Variants in PRKCQ observed in about 807,000 individuals in gnomAD.
PRKCQ encodes protein kinase C theta type.
Under a neutral mutation model 91.2 loss-of-function variants are expected in PRKCQ, and 41 were observed. That is an observed-to-expected ratio of 0.45 (90% CI 0.35 to 0.58). The LOEUF is 0.58. Ranked by LOEUF, PRKCQ falls within the 20% of genes least tolerant of loss-of-function variation. PRKCQ has a pLI of 0.00. For synonymous variants in PRKCQ, 307 were observed against 316.9 expected (o/e 0.97, Z 0.33); for missense variants, 673 against 896.5 (o/e 0.75, Z 3.18).
chr10:6,520,367 C>T (rs1306376351), intron 1 of PRKCQ, among the ~76,000 whole-genome samples: 1 of 152,194 alleles, frequency 6.6e-6, no homozygotes, highest in Admixed American at 6.5e-5. Flanking sequence ...TCTGCACCAC[C>T]TCTCTTGTGA....
At chr10:6,491,154 A>G (rs1757437742) in intron 8 of PRKCQ, among the ~76,000 whole-genome samples, 2 of 152,296 alleles carry the variant, frequency 1.3e-5, no homozygotes, top group African/African-American at 2.4e-5. Flanking sequence ...GTTCACAGCA[A>G]TGGTTTAGGG....
the PRKCQ span, among the ~76,000 whole-genome samples, chr10:6,394,269 TA>T: frequency 6.6e-6 from 1 of 152,200 alleles, no homozygotes; most frequent in Non-Finnish European, 1.5e-5. Flanking sequence ...TTTGTTGTCG[TA>T]AGTGTAGTGG....
intron 1 of PRKCQ, among the ~76,000 whole-genome samples, chr10:6,566,563 C>G (rs953822385): frequency 6.6e-6 from 1 of 152,086 alleles, no homozygotes. Context: ...TGAGCATGAC[C>G]CTGGCAGAGC....
In PRKCQ at chr10:6,568,857, GGAT is replaced by G. The variant is rs774485153; in HGVS notation, c.-10+11351_-10+11353del. 2.0e-5 allele frequency among the ~76,000 whole-genome samples: 3 copies of G among 152,108 alleles called. No individual in the cohort carries two copies. In the South Asian group the frequency reaches 6.3e-4, roughly 32 times the overall value. On this transcript the variant is annotated intron_variant, in intron 1 of 17. Transcript: ENST00000263125. ...TGGTCCACAAAGCAGGATGCCAAGG[GGAT>G]GATAAGGGGAAAAATCACACCATAG...
At chr10:6,499,065 G>C (rs1321340804) in intron 4 of PRKCQ, among the ~76,000 whole-genome samples, 1 of 152,152 alleles carries the variant, frequency 6.6e-6, no homozygotes, top group Non-Finnish European at 1.5e-5. Context: ...GAGTAGACTA[G>C]GGGGAGCTGA....
chr10:6,401,010 T>G, the PRKCQ span, among the ~76,000 whole-genome samples: 1 of 152,218 alleles, frequency 6.6e-6, no homozygotes, highest in African/African-American at 2.4e-5. Context: ...TTCTGAGCCT[T>G]GAGAGAAATG....
chr10:6,445,879 C>G (rs573422478), intron 15 of PRKCQ, among the ~76,000 whole-genome samples: 174 of 152,224 alleles, frequency 1.1e-3, no homozygotes, highest in African/African-American at 4.0e-3. Flanking sequence ...AAGGCGGCGT[C>G]AAAGCAACCA....
intron 14 of PRKCQ, 96 bp downstream of exon 14, chr10:6,462,207 C>T: frequency 8.8e-7 from 1 of 1,132,180 alleles, no homozygotes; most frequent in Non-Finnish European, 1.3e-6. Context: ...CCCAGGAAAT[C>T]ACATGGGCTG....
At chr10:6,508,851 G>A (rs897457145) in intron 3 of PRKCQ, among the ~76,000 whole-genome samples, 41 of 152,218 alleles carry the variant, frequency 2.7e-4, no homozygotes, top group African/African-American at 9.2e-4. Context: ...ACATTTTGGG[G>A]AGTGAATGGG....
intron 8 of PRKCQ, chr10:6,489,254 C>A: frequency 2.3e-6 from 1 of 426,030 alleles, no homozygotes; most frequent in Non-Finnish European, 4.9e-6. Flanking sequence ...GTGAGGTTGT[C>A]AGCTAGGATT....
intron 13 of PRKCQ, among the ~76,000 whole-genome samples, chr10:6,462,792 G>A (rs1409572276): frequency 6.6e-6 from 1 of 152,114 alleles, no homozygotes; most frequent in Admixed American, 6.6e-5. Flanking sequence ...ATCACTTGAA[G>A]TCAGGAGTTC....
chr10:6,548,627 G>C (rs1050682136), intron 1 of PRKCQ, among the ~76,000 whole-genome samples: 1 of 146,568 alleles, frequency 6.8e-6, no homozygotes, highest in Non-Finnish European at 1.5e-5. Flanking sequence ...GTAAACTATG[G>C]CAAGAACAAA....
At chr10:6,413,231 C>T in the PRKCQ span, among the ~76,000 whole-genome samples, 8 of 152,248 alleles carry the variant, frequency 5.3e-5, no homozygotes, top group South Asian at 2.1e-4. Context: ...GGCTTACAGG[C>T]GTGAGCCACT....
chr10:6,576,878 C>T lies in PRKCQ; in HGVS notation c.-10+3333G>A, dbSNP rs115929663. On this transcript the variant is annotated intron_variant, in intron 1 of 17. Transcript: ENST00000263125. This position sits in a 1 kb window ranked among gnomAD's most constrained non-coding sequence, Gnocchi z 4.2. ...GCTCTACCCCTTGAGCCTCAGTTTC[C>T]TCATCTGAAAAACTGGAATAATAAT... Among the ~76,000 whole-genome samples, 1 of 152,110 alleles carries T rather than the reference C, an allele frequency of 6.6e-6. No individual in the cohort carries two copies. Among genetic ancestry groups the T allele is most frequent in the African/African-American group, 2.4e-5 (1 of 41,446 alleles).
Position 6,430,878 on chromosome 10 carries a change from A to T in PRKCQ, c.1897T>A (p.Leu633Met). Reference protein sequence around the residue: ...GVRGDIRQHPLFREINWEELE... With the variant: ...GVRGDIRQHPMFREINWEELE... Reference sequence around the variant, plus strand: ...TCCTCCCAGTTGATCTCCCGAAACAAAGGGTGCTGGCGGATGTCTCCCCTC... The same window carrying T: ...TCCTCCCAGTTGATCTCCCGAAACATAGGGTGCTGGCGGATGTCTCCCCTC... The change falls in exon 17 of 18, where the codon TTG (leucine) becomes ATG (methionine). Residue 633 changes from leucine (L) to methionine (M), a missense_variant. Coordinates refer to ENST00000263125, the MANE Select transcript of PRKCQ (RefSeq NM_006257.5). This position sits in a 1 kb window ranked among gnomAD's most constrained non-coding sequence, Gnocchi z 4.7. 1 of 1,614,100 alleles carries T rather than the reference A, an allele frequency of 6.2e-7. No homozygotes were observed. Among genetic ancestry groups the T allele is most frequent in the Non-Finnish European group, 8.5e-7 (1 of 1,179,994 alleles).
intron 15 of PRKCQ, among the ~76,000 whole-genome samples, chr10:6,446,357 GTTTTTTTT>G (rs66839272): frequency 3.8e-5 from 3 of 79,600 alleles, no homozygotes; most frequent in African/African-American, 5.1e-5. Flanking sequence ...ACTATGCTCA[GTTTTTTTT>G]TTTTTTTTTT....
chr10:6,397,190 G>A, the PRKCQ span, among the ~76,000 whole-genome samples: 610 of 152,128 alleles, frequency 4.0e-3, 3 homozygotes, highest in Non-Finnish European at 5.3e-3. Context: ...TCTGCCTCCC[G>A]GGTTCAAGTG....
At chr10:6,475,583 A>G (rs1023504886) in intron 12 of PRKCQ, among the ~76,000 whole-genome samples, 14 of 152,226 alleles carry the variant, frequency 9.2e-5, no homozygotes, top group African/African-American at 3.4e-4. Context: ...GAGCAGATGA[A>G]TAACTTCCTT....
chr10:6,561,335 C>CT, intron 1 of PRKCQ, among the ~76,000 whole-genome samples: 1 of 131,722 alleles, frequency 7.6e-6, no homozygotes, highest in South Asian at 2.3e-4. Context: ...TTGTGCTGTA[C>CT]TCCAGCCTGG....
Sources: allele counts gnomAD v4.1 joint callset (sites outside exome capture counted in the v4.1 genomes callset), GRCh38; gene constraint gnomAD v4.1.1; non-coding constraint Gnocchi (gnomAD v3.1); transcripts MANE v1.5; gene names NCBI Gene and HGNC (gene_info 2026-07-23, HGNC 2026-07-21).